Variants in NCOR2 observed in about 807,000 individuals in gnomAD.
NCOR2 encodes the protein nuclear receptor corepressor 2.
A neutral mutation model predicts 262.9 loss-of-function variants in NCOR2; 81 were observed. That is an observed-to-expected ratio of 0.31 (90% CI 0.26 to 0.37). The LOEUF is 0.37. Ranked by LOEUF, NCOR2 falls within the 10% of genes least tolerant of loss-of-function variation. The pLI, the probability that NCOR2 is intolerant of heterozygous loss-of-function variation, is 1.00. For synonymous variants in NCOR2, 1,659 were observed against 1,559.3 expected (o/e 1.06, Z -1.51); for missense variants, 3,385 against 3,621.4 (o/e 0.93, Z 1.68).
intron 4 of NCOR2, among the ~76,000 whole-genome samples, chr12:124,468,037 A>C (rs758587735): frequency 2.1e-3 from 3 of 1,430 alleles, no homozygotes; most frequent in Non-Finnish European, 3.5e-3. Flanking sequence ...CACCCTCATC[A>C]TCCTCATCAC....
intron 15 of NCOR2, among the ~76,000 whole-genome samples, chr12:124,399,133 C>T (rs910706923): frequency 3.9e-5 from 6 of 152,020 alleles, no homozygotes; most frequent in African/African-American, 1.2e-4. Context: ...AGAGGGGAGA[C>T]GGCCCCCACC....
At chr12:124,341,449 G>C (rs1418608623) in intron 34 of NCOR2, among the ~76,000 whole-genome samples, 2 of 152,172 alleles carry the variant, frequency 1.3e-5, no homozygotes, top group Non-Finnish European at 2.9e-5. Flanking sequence ...ATGTTGGTCA[G>C]ACTGGTCTCG....
intron 1 of NCOR2, chr12:124,555,813 C>G (rs2051865390): frequency 6.6e-6 from 1 of 152,288 alleles, no homozygotes; most frequent in Admixed American, 6.5e-5. Flanking sequence ...AAAGTCCCTC[C>G]CCGGTCCCTG....
intron 7 of NCOR2, among the ~76,000 whole-genome samples, chr12:124,441,637 C>A (rs898216778): frequency 1.3e-4 from 20 of 152,200 alleles, no homozygotes; most frequent in Admixed American, 1.2e-3. Context: ...AATCTCCCCG[C>A]AAGTATGTAT....
Position 124,431,370 on chromosome 12 carries a change from C to A in NCOR2, c.883-583G>T, listed in dbSNP as rs7133060. Among the ~76,000 whole-genome samples, 460 of 149,440 alleles carry A rather than the reference C, an allele frequency of 3.1e-3. 2 individuals carry two copies. The highest frequency in any genetic ancestry group is 0.011 in the African/African-American group (442 of 40,158). ...CACACACAGTAGACACACAGTCACA[C>A]AGACAGTCACATGGCAGACACACAG... On this transcript the variant is annotated intron_variant, in intron 8 of 46. Transcript: ENST00000405201.
upstream of NCOR2, chr12:124,539,713 C>T (rs2051231183): frequency 6.6e-6 from 1 of 152,594 alleles, no homozygotes; most frequent in Non-Finnish European, 1.5e-5. The surrounding 1 kb of genome is among the most constrained non-coding windows in gnomAD (Gnocchi z 5.1). Flanking sequence ...CAGCACCCCC[C>T]TTGTCAGCTC....
At chr12:124,416,634 C>A (rs1276132697) in intron 13 of NCOR2, among the ~76,000 whole-genome samples, 2 of 142,472 alleles carry the variant, frequency 1.4e-5, no homozygotes, top group East Asian at 2.2e-4. Context: ...CCCCGCGGCA[C>A]AGATAGACCC....
chr12:124,468,364 T>C (rs1490657389), intron 4 of NCOR2, among the ~76,000 whole-genome samples: 2 of 49,378 alleles, frequency 4.1e-5, no homozygotes, highest in African/African-American at 9.0e-5. Flanking sequence ...ATCCTCATCC[T>C]CATCACCCCC....
At chr12:124,400,516 G>C in exon 15 of NCOR2, 1 of 1,613,994 alleles carries the variant, frequency 6.2e-7, no homozygotes, top group Non-Finnish European at 8.5e-7. Flanking sequence ...TCGGCGCTCT[G>C]CTGGGGGGTG....
intron 4 of NCOR2, among the ~76,000 whole-genome samples, chr12:124,469,439 A>G (rs1384194202): frequency 6.6e-6 from 1 of 152,152 alleles, no homozygotes; most frequent in Non-Finnish European, 1.5e-5. Flanking sequence ...CGGAACAAAC[A>G]AAGCCAAGAA....
intron 13 of NCOR2, among the ~76,000 whole-genome samples, chr12:124,417,043 GAGAGCAAGCCGGACAC>G (rs1425191686): frequency 1.3e-5 from 2 of 149,116 alleles, no homozygotes; most frequent in East Asian, 4.4e-4. Flanking sequence ...ACTCACTCCT[GAGAGCAAGCCGGACAC>G]TCACTCCACG....
intron 1 of NCOR2, among the ~76,000 whole-genome samples, chr12:124,559,168 C>T (rs75988239): frequency 0.015 from 2,263 of 152,326 alleles, 29 homozygotes; most frequent in Middle Eastern, 0.048. Flanking sequence ...ACTTACCTTT[C>T]CCCCCACTTC....
At chr12:124,422,455 C>G (rs747343652) in intron 12 of NCOR2, 46 bp downstream of exon 14, 26 of 1,611,626 alleles carry the variant, frequency 1.6e-5, no homozygotes, top group Non-Finnish European at 2.2e-5. Flanking sequence ...ACGCAGTTGC[C>G]CACGGAGGTG....
chr12:124,364,424 G>A (rs2038857754), intron 20 of NCOR2, among the ~76,000 whole-genome samples: 2 of 152,242 alleles, frequency 1.3e-5, no homozygotes, highest in African/African-American at 4.8e-5. Flanking sequence ...CACTATCCAC[G>A]AAGGACGAGG....
chr12:124,562,413 C>T (rs903478144), intron 1 of NCOR2: 12 of 152,244 alleles, frequency 7.9e-5, no homozygotes, highest in African/African-American at 2.9e-4. Flanking sequence ...TCAGAGGCTT[C>T]ACTCAAGTTC....
intron 3 of NCOR2, among the ~76,000 whole-genome samples, chr12:124,476,957 A>T (rs897553747): frequency 6.6e-6 from 1 of 151,908 alleles, no homozygotes; most frequent in Admixed American, 6.6e-5. Flanking sequence ...CTGTGGATGA[A>T]CCCCGAGAAT....
At chr12:124,375,637 C>G (rs2039930648) in intron 18 of NCOR2, among the ~76,000 whole-genome samples, 1 of 152,190 alleles carries the variant, frequency 6.6e-6, no homozygotes. Context: ...GCCTCCTTTC[C>G]TTTCTGCCTG....
At chr12:124,380,782 C>CG (rs1305992621) in intron 17 of NCOR2, among the ~76,000 whole-genome samples, 4 of 151,842 alleles carry the variant, frequency 2.6e-5, no homozygotes, top group South Asian at 2.1e-4. Flanking sequence ...GGTGTCTCTG[C>CG]GGGGGGCGGC....
Position 124,334,408 on chromosome 12 carries a change from C to T in NCOR2, c.6605+16G>A, listed in dbSNP as rs775366340. 4 of 1,521,762 alleles carry T rather than the reference C, an allele frequency of 2.6e-6. No homozygotes were observed. Among genetic ancestry groups the T allele is most frequent in the Non-Finnish European group, 2.6e-6 (3 of 1,134,616 alleles). 94.3% of individuals were successfully genotyped at this position (1,521,762 alleles called of 1,614,324 possible). A position where few individuals can be genotyped will look rare whatever the true frequency, so the allele number is the denominator to read the frequency against. ...CGCCGGCTGACCAGCAAGAGGCACC[C>T]CCATCCCTCGCTCACCTCTTGCCCC... is the stretch of plus-strand genomic sequence containing the variant. On this transcript the variant is annotated intron_variant, in intron 41 of 46. Transcript: ENST00000405201.
Sources: gnomAD v4.1 joint callset for allele counts (sites outside exome capture counted in the v4.1 genomes callset) on GRCh38, gnomAD v4.1.1 for gene constraint, Gnocchi (gnomAD v3.1) non-coding constraint, MANE v1.5 for transcripts, NCBI Gene and HGNC (gene_info 2026-07-23, HGNC 2026-07-21) for gene names.